ANKRD36B: variants seen among roughly 807,000 people sequenced by gnomAD.
ANKRD36B encodes ankyrin repeat domain-containing protein 36B.
Under a neutral mutation model 135.7 loss-of-function variants are expected in ANKRD36B, and 37 were observed. That is an observed-to-expected ratio of 0.27 (90% confidence interval 0.21 to 0.36). The LOEUF (loss-of-function observed/expected upper bound fraction) is 0.36, where lower values mean the gene tolerates loss of function less well. Ranked by LOEUF, ANKRD36B falls within the 10% of genes least tolerant of loss-of-function variation. The pLI, the probability that ANKRD36B is intolerant of heterozygous loss-of-function variation, is 1.00. For missense variants in ANKRD36B, 549 were observed against 1,037.1 expected (o/e 0.53, Z 6.46); for synonymous variants, 179 against 348.1 (o/e 0.51, Z 5.41).
chr2:97,555,000 G>C, intron 14 of ANKRD36B, 60 bp downstream of exon 14: 1 of 1,574,592 alleles, frequency 6.4e-7, no homozygotes, highest in Non-Finnish European at 8.7e-7. Context: ...TTTATTTGGG[G>C]AAGAGAAGTT....
intron 22 of ANKRD36B, chr2:97,547,316 C>A (rs2079560018): frequency 5.6e-6 from 3 of 536,038 alleles, no homozygotes; most frequent in Non-Finnish European, 9.5e-6. Context: ...CATATTTCTT[C>A]TTCCCAATTT....
intron 6 of ANKRD36B, among the ~76,000 whole-genome samples, chr2:97,564,855 G>C (rs2104817254): frequency 6.6e-6 from 1 of 152,174 alleles, no homozygotes; most frequent in African/African-American, 2.4e-5. Flanking sequence ...GGCTATATGG[G>C]CTCTTTTTTT....
chr2:97,528,753 C>T lies in ANKRD36B; in HGVS notation c.2265+3558G>A, dbSNP rs1442402715. ...ACCAATCCCACAGAAATACAAACTA[C>T]CATCAGAGAATACTACAAACACCTC... On this transcript the variant is annotated intron_variant, in intron 35 of 43. Coordinates refer to ENST00000359901, the MANE Select transcript of ANKRD36B (RefSeq NM_001393939.1). 5.2e-5 allele frequency among the ~76,000 whole-genome samples: 5 copies of T among 96,152 alleles called. 2 individuals carry two copies. Among genetic ancestry groups the T allele is most frequent in the African/African-American group, 1.6e-4 (5 of 32,044 alleles). The allele number at this position is 96,152 out of a possible 152,430, so 63.1% of individuals were successfully genotyped here.
intron 37 of ANKRD36B, among the ~76,000 whole-genome samples, chr2:97,513,954 AAATC>A (rs2077678711): frequency 8.2e-6 from 1 of 121,654 alleles, no homozygotes; most frequent in South Asian, 2.2e-4. Context: ...TTTCTGAACC[AAATC>A]AATGTATTTC....
chr2:97,553,730 A>ACC (rs924447948), intron 14 of ANKRD36B, among the ~76,000 whole-genome samples: 5 of 151,960 alleles, frequency 3.3e-5, no homozygotes, highest in African/African-American at 1.2e-4. Flanking sequence ...TGGCACATGC[A>ACC]CCCACATGTC....
intron 20 of ANKRD36B, among the ~76,000 whole-genome samples, chr2:97,548,429 T>C (rs1374785514): frequency 6.6e-6 from 1 of 151,958 alleles, no homozygotes; most frequent in Non-Finnish European, 1.5e-5. Flanking sequence ...AAAAATATCA[T>C]CAATTATCAA....
intron 6 of ANKRD36B, among the ~76,000 whole-genome samples, chr2:97,575,039 C>G (rs1252919942): frequency 6.6e-6 from 1 of 151,420 alleles, no homozygotes; most frequent in Non-Finnish European, 1.5e-5. Flanking sequence ...CGCCAAAGAG[C>G]TTTTAAAAGT....
At chr2:97,566,379 A>G (rs555862505) in intron 6 of ANKRD36B, among the ~76,000 whole-genome samples, 2 of 152,234 alleles carry the variant, frequency 1.3e-5, no homozygotes, top group East Asian at 1.9e-4. Context: ...GAAAAAAAGT[A>G]TAAGACTTTG....
chr2:97,533,437 A>C (rs1199095187), intron 34 of ANKRD36B, among the ~76,000 whole-genome samples: 1 of 96,634 alleles, frequency 1.0e-5, no homozygotes, highest in Non-Finnish European at 2.7e-5. Context: ...GGAGGATGCT[A>C]TGGCCTATCT....
At position 97,532,481 on chromosome 2, in the gene ANKRD36B, G is replaced by C. The variant is rs1317098769; in HGVS notation, c.2192-97C>G. ...CTCACGCCTGTAATCCCAGCACTTT[G>C]GGAGGCTGAGGCGGGTGGATCACGA... On this transcript the variant is annotated intron_variant, in intron 34 of 43. Transcript: ENST00000359901. 3 of 501,772 alleles carry C rather than the reference G, an allele frequency of 6.0e-6. 1 individual carries two copies. The highest frequency in any genetic ancestry group is 1.0e-5 in the Non-Finnish European group (3 of 286,244). The allele number at this position is 501,772 out of a possible 1,614,324, so 31.1% of individuals were successfully genotyped here.
At chr2:97,549,306 G>C in intron 20 of ANKRD36B, 113 bp downstream of exon 20, 1 of 1,299,358 alleles carries the variant, frequency 7.7e-7, no homozygotes, top group Non-Finnish European at 1.1e-6. Flanking sequence ...AGAATCTCTG[G>C]CCTGCTGAAT....
chr2:97,547,458 C>T lies in ANKRD36B; in HGVS notation c.1579+78G>A, dbSNP rs2079577938. 2.9e-6 allele frequency: 4 copies of T among 1,387,050 alleles called. No homozygotes were observed. The Admixed American group carries it at 9.3e-5, about 32-fold the overall frequency. The allele number at this position is 1,387,050 out of a possible 1,614,324, so 85.9% of individuals were successfully genotyped here. A position where few individuals can be genotyped will look rare whatever the true frequency, so the allele number is the denominator to read the frequency against. Reference sequence around the variant, plus strand: ...TCAGAATGTGCAGCTTCAACGAGCCCCCCGCAGATTTATTCAGGGAAGAGA... The same window carrying T: ...TCAGAATGTGCAGCTTCAACGAGCCTCCCGCAGATTTATTCAGGGAAGAGA... On this transcript the variant is annotated intron_variant, in intron 22 of 43. Coordinates refer to ENST00000359901, the MANE Select transcript of ANKRD36B (RefSeq NM_001393939.1).
At chr2:97,580,098 C>T (rs1461307518) in intron 4 of ANKRD36B, among the ~76,000 whole-genome samples, 1 of 152,200 alleles carries the variant, frequency 6.6e-6, no homozygotes, top group East Asian at 1.9e-4. Context: ...TAACATGAAA[C>T]CCCTTTAGCT....
chr2:97,544,659 A>AT (rs913275384), intron 24 of ANKRD36B, among the ~76,000 whole-genome samples: 2 of 96,526 alleles, frequency 2.1e-5, no homozygotes, highest in African/African-American at 6.2e-5. Context: ...AGGATAATAT[A>AT]TTAGCCTCAA....
intron 12 of ANKRD36B, among the ~76,000 whole-genome samples, chr2:97,555,667 C>T (rs1450933400): frequency 6.6e-6 from 1 of 151,958 alleles, no homozygotes; most frequent in Middle Eastern, 3.2e-3. Context: ...TACAAACATT[C>T]ATCATGCTCT....
chr2:97,584,430 C>T (rs2082833806), intron 3 of ANKRD36B, among the ~76,000 whole-genome samples: 1 of 150,146 alleles, frequency 6.7e-6, no homozygotes, highest in South Asian at 2.2e-4. Flanking sequence ...TTTCTGATTG[C>T]TCTCCTTTTC....
chr2:97,530,740 G>A (rs1474895846), intron 35 of ANKRD36B, among the ~76,000 whole-genome samples: 1 of 97,054 alleles, frequency 1.0e-5, no homozygotes, highest in South Asian at 2.3e-4. Flanking sequence ...CAAAAAGTGG[G>A]CAAAGGATAT....
At chr2:97,562,902 G>A (rs370927878) in intron 6 of ANKRD36B, among the ~76,000 whole-genome samples, 13 of 152,014 alleles carry the variant, frequency 8.6e-5, no homozygotes, top group South Asian at 4.2e-4. Flanking sequence ...CACTCACATC[G>A]GTTTGAGTAT....
At position 97,527,380 on chromosome 2, in the gene ANKRD36B, G is replaced by C. The variant is rs1172112766; in HGVS notation, c.2266-3913C>G. ...GAGAGATTTTGTCACCATGAGGCCTGCCCTAAAAGAGCTCCTGAAGAAAGC... is the reference window on the plus strand; with the variant it reads ...GAGAGATTTTGTCACCATGAGGCCTCCCCTAAAAGAGCTCCTGAAGAAAGC... On this transcript the variant is annotated intron_variant, in intron 35 of 43. Coordinates refer to ENST00000359901, the MANE Select transcript of ANKRD36B (RefSeq NM_001393939.1). Among the ~76,000 whole-genome samples, 3 of 94,136 alleles carry C rather than the reference G, an allele frequency of 3.2e-5. 1 individual carries two copies. The highest frequency in any genetic ancestry group is 9.6e-5 in the African/African-American group (3 of 31,168). The allele number at this position is 94,136 out of a possible 152,430, so 61.8% of individuals were successfully genotyped here.
Sources: allele counts gnomAD v4.1 joint callset (sites outside exome capture counted in the v4.1 genomes callset), GRCh38; gene constraint gnomAD v4.1.1; transcripts MANE v1.5; gene names NCBI Gene and HGNC (gene_info 2026-07-23, HGNC 2026-07-21).